MX1: variants seen among roughly 807,000 people sequenced by gnomAD.
MX1 encodes interferon-induced GTP-binding protein Mx1.
MX1 carries 66 observed loss-of-function variants against 66.4 expected under a neutral mutation model. The ratio of observed to expected loss-of-function variants is 0.99; its 90% CI spans 0.82 to 1.22. The LOEUF is 1.22. MX1 is among the 50% of genes most tolerant of loss of function. The pLI, the probability that MX1 is intolerant of heterozygous loss-of-function variation, is 0.00. For missense variants in MX1, 787 were observed against 834.3 expected, an observed-to-expected ratio of 0.94 and a Z score of 0.70; for synonymous variants, 311 against 318.1, an observed-to-expected ratio of 0.98 and a Z score of 0.24.
chr21:41,453,934 T>G (rs1444476941), intron 16 of MX1, among the ~76,000 whole-genome samples: 1 of 152,170 alleles, frequency 6.6e-6, no homozygotes, highest in Non-Finnish European at 1.5e-5. Context: ...CAAAGGTATG[T>G]AGATGAAGAC....
At chr21:41,442,140 T>C (rs2090539752) in intron 10 of MX1, among the ~76,000 whole-genome samples, 1 of 150,358 alleles carries the variant, frequency 6.7e-6, no homozygotes, top group African/African-American at 2.5e-5. Flanking sequence ...AAAAAAAAAC[T>C]AAAAACCAAT....
intron 11 of MX1, among the ~76,000 whole-genome samples, chr21:41,445,143 T>C (rs1305644182): frequency 6.6e-6 from 1 of 152,172 alleles, no homozygotes; most frequent in African/African-American, 2.4e-5. Flanking sequence ...TTACCTAATA[T>C]GACCACAGAG....
chr21:41,446,509 A>G (rs2090669475), intron 13 of MX1, among the ~76,000 whole-genome samples: 1 of 152,218 alleles, frequency 6.6e-6, no homozygotes, highest in African/African-American at 2.4e-5. Context: ...ACTGCAGTCT[A>G]TTAAGTATGT....
chr21:41,455,400 G>A (rs1044054159), intron 16 of MX1, among the ~76,000 whole-genome samples: 1 of 152,214 alleles, frequency 6.6e-6, no homozygotes, highest in Non-Finnish European at 1.5e-5. Context: ...GCTCACACCT[G>A]TCCGCTGCTT....
At chr21:41,456,751 G>GTT (rs57537394) in intron 16 of MX1, among the ~76,000 whole-genome samples, 6 of 151,464 alleles carry the variant, frequency 4.0e-5, no homozygotes, top group South Asian at 2.1e-4. Context: ...AAAGTTGTTG[G>GTT]TTTTTTTTGT....
Position 41,459,072 on chromosome 21 carries a change from A to C in MX1, c.*314A>C. The C allele has an allele frequency of 2.1e-6, 1 of 470,108 alleles. No individual in the cohort carries two copies. Among genetic ancestry groups the C allele is most frequent in the East Asian group, 3.5e-5 (1 of 28,462 alleles). 29.1% of individuals were successfully genotyped at this position (470,108 alleles called of 1,614,324 possible). A position where few individuals can be genotyped will look rare whatever the true frequency, so the allele number is the denominator to read the frequency against. On this transcript the variant is annotated 3_prime_UTR_variant, in exon 17 of 17. Coordinates refer to ENST00000398598, the MANE Select transcript of MX1 (RefSeq NM_002462.5). ...CTTCTCTGTATTCCTAGAAACTGAC[A>C]CATGCTGAACATCACAGCTTATTTC...
intron 11 of MX1, among the ~76,000 whole-genome samples, chr21:41,444,318 C>CTTTTTTTTTTTTTT (rs11317486): frequency 7.3e-4 from 52 of 71,538 alleles, no homozygotes; most frequent in East Asian, 3.1e-3. Flanking sequence ...TCTTTTCTTT[C>CTTTTTTTTTTTTTT]TTTTTTTTTT....
In MX1 at chr21:41,445,495, A is replaced by T. The variant is rs145912542; in HGVS notation, c.1056A>T (p.Arg352Ser). 597 of 1,614,196 alleles carry T rather than the reference A, an allele frequency of 3.7e-4. 3 individuals are homozygous for T. The African/African-American group carries it at 7.0e-3, about 19-fold the overall frequency. ...LENQIKETHQ[R>S]ITEELQKYGV... is the part of the protein sequence containing the mutation. Reference sequence around the variant, plus strand: ...ATCAAATCAAGGAGACTCACCAGAGAATAACAGAGGAGCTACAAAAGTATG... The same window carrying T: ...ATCAAATCAAGGAGACTCACCAGAGTATAACAGAGGAGCTACAAAAGTATG... Residue 352 changes from arginine (R) to serine (S), a missense_variant, in exon 12 of 17, where the codon AGA (arginine) becomes AGT (serine). Transcript: ENST00000398598.
At position 41,452,655 on chromosome 21, in the gene MX1, G is replaced by A. The variant is rs1238855005; in HGVS notation, c.1544G>A (p.Arg515Lys). 1.2e-6 allele frequency: 2 copies of A among 1,614,048 alleles called. No homozygotes were observed. The highest frequency in any genetic ancestry group is 1.7e-6 in the Non-Finnish European group (2 of 1,180,032). ...GAAGACATTAGAGCAGAACAAGAGA[G>A]AGAAGGTGAGAAGCTGATCCGCCTC... The part of the protein sequence containing the change: ...KIEDIRAEQE[R>K]EGEKLIRLHF... Residue 515 changes from arginine to lysine, a missense_variant, in exon 16 of 17, where the codon AGA becomes AAA. Physicochemically the swap from Arg to Lys is conservative, Grantham distance 26. Transcript: ENST00000398598.
intron 4 of MX1, chr21:41,431,745 A>T: frequency 3.8e-6 from 1 of 261,578 alleles, no homozygotes; most frequent in Non-Finnish European, 7.5e-6. Flanking sequence ...AAGTGCTGAG[A>T]TTACAGGCGT....
rs748653857 is a variant in MX1 at position 41,452,854 on chromosome 21, G to C, written c.1743G>C (p.Leu581=). Residue 581 remains leucine (L), a synonymous_variant, in exon 16 of 17, where the codon CTG becomes CTC. Coordinates refer to ENST00000398598, the MANE Select transcript of MX1 (RefSeq NM_002462.5). ...CCATGGAGGAGATCTTTCAGCACCTGATGGCCTATCACCAGGTACGTCTTC... is the reference window on the plus strand; with the variant it reads ...CCATGGAGGAGATCTTTCAGCACCTCATGGCCTATCACCAGGTACGTCTTC... The part of the protein sequence containing the change: ...DSSMEEIFQH[L]MAYHQEASKR... 1.9e-5 allele frequency: 30 copies of C among 1,614,036 alleles called. No homozygotes were observed. The South Asian group carries it at 3.2e-4, about 17-fold the overall frequency.
At chr21:41,447,945 G>A (rs1020113093) in intron 13 of MX1, among the ~76,000 whole-genome samples, 1 of 152,166 alleles carries the variant, frequency 6.6e-6, no homozygotes, top group African/African-American at 2.4e-5. Flanking sequence ...GGCCAGGCTG[G>A]TCTCGACCTC....
At position 41,458,778 on chromosome 21, in the gene MX1, G is replaced by A. The variant is rs764707018; in HGVS notation, c.*20G>A. 1.0e-5 allele frequency: 16 copies of A among 1,603,678 alleles called. No homozygotes were observed. The highest frequency in any genetic ancestry group is 1.3e-5 in the African/African-American group (1 of 74,866). ...GGTTAACCACACTCTGTCCAGCCCC[G>A]TAGACGTGCACGCACACTGTCTGCC... is the stretch of plus-strand genomic sequence containing the variant. On this transcript the variant is annotated 3_prime_UTR_variant, in exon 17 of 17. Coordinates refer to ENST00000398598, the MANE Select transcript of MX1 (RefSeq NM_002462.5).
At chr21:41,442,085 A>G (rs1256855987) in intron 10 of MX1, among the ~76,000 whole-genome samples, 171 bp downstream of exon 10, 1 of 151,850 alleles carries the variant, frequency 6.6e-6, no homozygotes, top group Non-Finnish European at 1.5e-5. Context: ...GGACTATGGA[A>G]TTCACCTAGA....
intron 15 of MX1, 115 bp downstream of exon 15, chr21:41,451,358 A>G (rs2090819966): frequency 5.4e-6 from 4 of 740,840 alleles, no homozygotes; most frequent in Non-Finnish European, 9.3e-6. Context: ...CTTTTAGAAC[A>G]GCAAATAACA....
At chr21:41,436,227 C>G (rs745949529) in intron 6 of MX1, among the ~76,000 whole-genome samples, 198 bp downstream of exon 6, 36 of 152,226 alleles carry the variant, frequency 2.4e-4, no homozygotes, top group Admixed American at 6.5e-4. Flanking sequence ...TGCGGCCTTC[C>G]TTCCACACAC....
chr21:41,424,681 C>T (rs1869656357), upstream of MX1, among the ~76,000 whole-genome samples: 1 of 152,186 alleles, frequency 6.6e-6, no homozygotes, highest in Non-Finnish European at 1.5e-5. Flanking sequence ...AAAGGGAGGA[C>T]CACCCATGGG....
At chr21:41,439,592 A>G (rs551766210) in intron 7 of MX1, 102 bp from the exon 8 acceptor site, 3 of 1,117,742 alleles carry the variant, frequency 2.7e-6, no homozygotes, top group African/African-American at 1.6e-5. Context: ...GCTTTTATCC[A>G]TGACTCGCAG....
At chr21:41,420,910 G>A (rs1459946028) in intron 1 of MX1, 2 of 152,300 alleles carry the variant, frequency 1.3e-5, no homozygotes, top group Non-Finnish European at 2.9e-5. Flanking sequence ...GGTGTTTCTC[G>A]TTAGGTGGAA....
Sources: gnomAD v4.1 joint callset for allele counts (sites outside exome capture counted in the v4.1 genomes callset) on GRCh38, gnomAD v4.1.1 for gene constraint, MANE v1.5 for transcripts, NCBI Gene and HGNC (gene_info 2026-07-23, HGNC 2026-07-21) for gene names.